The following MACROD2 variants were observed in gnomAD, a reference collection of about 807,000 sequenced individuals.
The protein encoded by MACROD2 is mono-ADP ribosylhydrolase 2.
MACROD2 carries 36 observed loss-of-function variants against 70.4 expected under a neutral mutation model. That is an observed-to-expected ratio of 0.51 (90% CI 0.39 to 0.68). MACROD2 has a LOEUF of 0.68. Among genes scored for constraint, MACROD2 ranks in the 30% least tolerant of loss-of-function variants. MACROD2 has a pLI of 0.00. For missense variants in MACROD2, 496 were observed against 538.4 expected (o/e 0.92, Z 0.78); for synonymous variants, 172 against 178.8 (o/e 0.96, Z 0.30).
chr20:14,993,993 T>A (rs1262630620), intron 5 of MACROD2, among the ~76,000 whole-genome samples: 2 of 152,146 alleles, frequency 1.3e-5, no homozygotes, highest in African/African-American at 4.8e-5. Context: ...AATGAAACTA[T>A]CTCTTGTTGA....
At chr20:14,863,113 A>G (rs1038261934) in intron 5 of MACROD2, among the ~76,000 whole-genome samples, 11 of 151,990 alleles carry the variant, frequency 7.2e-5, no homozygotes, top group African/African-American at 2.7e-4. Context: ...GAAGCAAATC[A>G]CCCACGGGTT....
At chr20:14,142,798 T>C (rs1320761696) in intron 3 of MACROD2, among the ~76,000 whole-genome samples, 2 of 152,214 alleles carry the variant, frequency 1.3e-5, no homozygotes, top group Non-Finnish European at 2.9e-5. Flanking sequence ...ATTTTTCCTA[T>C]AGCCAAATAC....
At chr20:14,816,044 G>T (rs946264537) in intron 5 of MACROD2, among the ~76,000 whole-genome samples, 1 of 151,956 alleles carries the variant, frequency 6.6e-6, no homozygotes, top group African/African-American at 2.4e-5. Flanking sequence ...TTTCCATCAC[G>T]TGTTTTTCTG....
chr20:14,056,615 T>C (rs909170112), intron 2 of MACROD2, among the ~76,000 whole-genome samples: 4 of 151,580 alleles, frequency 2.6e-5, no homozygotes, highest in African/African-American at 9.7e-5. Context: ...TAAGAGGGTA[T>C]TTAAAAATGA....
At chr20:14,396,903 C>T (rs1299467944) in intron 3 of MACROD2, among the ~76,000 whole-genome samples, 10 of 115,336 alleles carry the variant, frequency 8.7e-5, no homozygotes, top group Admixed American at 1.1e-4. Context: ...CCAGCCTGGA[C>T]GACAGAGCGA....
intron 8 of MACROD2, among the ~76,000 whole-genome samples, chr20:15,856,778 A>G (rs1228935928): frequency 6.6e-6 from 1 of 152,214 alleles, no homozygotes; most frequent in African/African-American, 2.4e-5. Context: ...ATTTTAGACT[A>G]GGGAATCATC....
intron 3 of MACROD2, among the ~76,000 whole-genome samples, chr20:14,441,273 G>C (rs191423413): frequency 6.6e-6 from 1 of 152,162 alleles, no homozygotes; most frequent in East Asian, 1.9e-4. Flanking sequence ...AGGATGAGAG[G>C]CCATGCAGAG....
chr20:15,494,766 CGTGTGTGTGT>C (rs1555829379), intron 7 of MACROD2, among the ~76,000 whole-genome samples: 76 of 82,786 alleles, frequency 9.2e-4, no homozygotes, highest in East Asian at 2.8e-3. Flanking sequence ...TGTGTGTGCG[CGTGTGTGTGT>C]GCGCGCGTGT....
At chr20:15,994,592 G>T (rs748502481) in intron 15 of MACROD2, among the ~76,000 whole-genome samples, 1 of 152,184 alleles carries the variant, frequency 6.6e-6, no homozygotes, top group African/African-American at 2.4e-5. Flanking sequence ...ATTGTCCTCT[G>T]CCAATGTCTT....
chr20:15,312,100 A>G (rs1260745611), intron 6 of MACROD2, among the ~76,000 whole-genome samples: 3 of 152,238 alleles, frequency 2.0e-5, no homozygotes, highest in Admixed American at 6.5e-5. Context: ...TAGAAAATGT[A>G]ACAACGTTAA....
intron 3 of MACROD2, among the ~76,000 whole-genome samples, chr20:14,097,513 T>A: frequency 6.6e-6 from 1 of 152,184 alleles, no homozygotes; most frequent in East Asian, 1.9e-4. Context: ...TACCCCATAC[T>A]ACAAGGAGAG....
chr20:13,999,711 G>A (rs1406486931), intron 1 of MACROD2, among the ~76,000 whole-genome samples: 1 of 152,130 alleles, frequency 6.6e-6, no homozygotes, highest in African/African-American at 2.4e-5. Flanking sequence ...AACATAAAGA[G>A]GTTAAGTAAC....
At chr20:15,314,742 G>C (rs2077790917) in intron 6 of MACROD2, among the ~76,000 whole-genome samples, 1 of 152,194 alleles carries the variant, frequency 6.6e-6, no homozygotes, top group African/African-American at 2.4e-5. Flanking sequence ...TGGGGCAAAA[G>C]GTTGTAGTTG....
chr20:15,503,135 A>G (rs2047384924), intron 8 of MACROD2, among the ~76,000 whole-genome samples: 1 of 152,232 alleles, frequency 6.6e-6, no homozygotes, highest in South Asian at 2.1e-4. Context: ...CAGATGTGAT[A>G]TATGACAAAA....
intron 3 of MACROD2, among the ~76,000 whole-genome samples, chr20:14,371,461 C>T (rs530173146): frequency 1.1e-4 from 16 of 152,114 alleles, no homozygotes; most frequent in East Asian, 3.9e-4. Context: ...TTGCACTCTG[C>T]GCTGAGTGAC....
At chr20:14,210,525 G>A (rs868840313) in intron 3 of MACROD2, among the ~76,000 whole-genome samples, 5 of 152,096 alleles carry the variant, frequency 3.3e-5, no homozygotes, top group Non-Finnish European at 7.4e-5. Context: ...TTGAAGAGAT[G>A]GAGGCCCTAC....
At chr20:15,246,733 T>A (rs552760249) in intron 6 of MACROD2, among the ~76,000 whole-genome samples, 25 of 152,280 alleles carry the variant, frequency 1.6e-4, no homozygotes, top group Middle Eastern at 3.4e-3. Context: ...ACCCAAATAA[T>A]TGAGAATATA....
At chr20:14,598,734 G>C (rs1297823847) in intron 4 of MACROD2, among the ~76,000 whole-genome samples, 1 of 152,162 alleles carries the variant, frequency 6.6e-6, no homozygotes, top group Non-Finnish European at 1.5e-5. Flanking sequence ...GGAGCAGTTT[G>C]AGAATTTGGA....
At chr20:14,741,349 AAGAAC>A (rs1322879661) in intron 5 of MACROD2, among the ~76,000 whole-genome samples, 1 of 152,152 alleles carries the variant, frequency 6.6e-6, no homozygotes, top group Non-Finnish European at 1.5e-5. Flanking sequence ...TAATTGTGTT[AAGAAC>A]TCAGAGAAGG....
Sources: gnomAD v4.1 joint callset for allele counts (sites outside exome capture counted in the v4.1 genomes callset) on GRCh38, gnomAD v4.1.1 for gene constraint, MANE v1.5 for transcripts, NCBI Gene and HGNC (gene_info 2026-07-23, HGNC 2026-07-21) for gene names.